HENMT1: variants seen among roughly 807,000 people sequenced by gnomAD.
HENMT1 encodes the protein HEN methyltransferase 1, also known as small RNA 2'-O-methyltransferase.
HENMT1 carries 27 observed loss-of-function variants against 31.1 expected under a neutral mutation model. That is an observed-to-expected ratio of 0.87 (90% CI 0.64 to 1.20). HENMT1 has a LOEUF of 1.20. HENMT1 is among the 50% of genes most tolerant of loss of function. The probability of loss-of-function intolerance (pLI) is 0.00; values close to 1 mark genes in which losing one functional copy is unlikely to be tolerated. For missense variants in HENMT1, 438 were observed against 469.6 expected (o/e 0.93, Z 0.62); for synonymous variants, 167 against 172.2 (o/e 0.97, Z 0.24).
intron 7 of HENMT1, chr1:108,649,402 A>C (rs1436432112): frequency 4.4e-6 from 2 of 457,626 alleles, no homozygotes; most frequent in Non-Finnish European, 8.8e-6. Context: ...GAAGTTCAAG[A>C]CCAGCCTGGG....
At position 108,654,846 on chromosome 1, in the gene HENMT1, A is replaced by C. The variant is rs1236773835; in HGVS notation, c.268T>G (p.Ser90Ala). Residue 90 changes from serine to alanine, a missense_variant, in exon 5 of 8, where the codon TCG becomes GCG. By Grantham distance (99) the Ser-to-Ala change is moderately conservative. Transcript: ENST00000651461. ...NEDKLRWRGDSLAPFLGDFLK... is the reference protein window; with the variant it reads ...NEDKLRWRGDALAPFLGDFLK... ...AAATCCCCCAGGAAAGGAGCTAACG[A>C]ATCCCTGCAAAATAATTATTGAAGA... 5.0e-6 allele frequency: 8 copies of C among 1,614,050 alleles called. No individual in the cohort carries two copies. Among genetic ancestry groups the C allele is most frequent in the Non-Finnish European group, 6.8e-6 (8 of 1,179,934 alleles).
At position 108,648,859 on chromosome 1, in the gene HENMT1, G is replaced by C; in HGVS notation, c.889C>G (p.Arg297Gly). The change falls in exon 8 of 8, where the codon CGG becomes GGG. Residue 297 changes from arginine (R) to glycine (G), a missense_variant. Physicochemically the swap from Arg to Gly is moderately radical, Grantham distance 125 (BLOSUM62 -2). Transcript: ENST00000651461. ...CCAATGTCTTTGGGCTTATCACCCC[G>C]TTCCCCAGCCTGTTCTTTCCGCCTT... is the stretch of plus-strand genomic sequence containing the variant. ...LPRRKEQAGERGDKPKDIGGS... is the reference protein window; with the variant it reads ...LPRRKEQAGEGGDKPKDIGGS... The C allele has an allele frequency of 6.2e-7, 1 of 1,614,144 alleles. No homozygotes were observed. The highest frequency in any genetic ancestry group is 2.2e-5 in the East Asian group (1 of 44,886).
chr1:108,653,469 T>C (rs1255257522), intron 5 of HENMT1, among the ~76,000 whole-genome samples: 1 of 152,244 alleles, frequency 6.6e-6, no homozygotes, highest in Non-Finnish European at 1.5e-5. Context: ...GTAGTGGGAT[T>C]GCTAGATCAC....
Position 108,648,367 on chromosome 1 carries a change from G to A in HENMT1, c.*199C>T, listed in dbSNP as rs182664104. On this transcript the variant is annotated 3_prime_UTR_variant, in exon 8 of 8. Transcript: ENST00000651461. ...AGTCCAAAATCAAAGGAAAGCACCC[G>A]TTTTAAACCCTCATATCTTTCTCAG... 1.3e-4 allele frequency: 73 copies of A among 558,166 alleles called. No individual in the cohort carries two copies. Among genetic ancestry groups the A allele is most frequent in the African/African-American group, 9.1e-4 (48 of 52,882 alleles). The allele number at this position is 558,166 out of a possible 1,614,324, so 34.6% of individuals were successfully genotyped here.
rs144902459 is a variant in HENMT1 at position 108,648,917 on chromosome 1, T to C, written c.831A>G (p.Gln277=). 20 of 1,614,146 alleles carry C rather than the reference T, an allele frequency of 1.2e-5. No individual in the cohort carries two copies. The African/African-American group carries it at 1.7e-4, about 14-fold the overall frequency. ...FKLVLVNEVS[Q]QVESLRVSHL... is the part of the protein sequence containing the mutation. ...GGCTCACTCTTAAGCTTTCCACTTG[T>C]TGGGACACCTCATTAACCAACACAA... is the stretch of plus-strand genomic sequence containing the variant. Residue 277 remains glutamine, a synonymous_variant, in exon 8 of 8, where the codon CAA becomes CAG. Coordinates refer to ENST00000651461, the MANE Select transcript of HENMT1 (RefSeq NM_001102592.2).
intron 1 of HENMT1, among the ~76,000 whole-genome samples, chr1:108,660,515 ATCTAT>A (rs1376964885): frequency 6.6e-6 from 1 of 152,218 alleles, no homozygotes; most frequent in Non-Finnish European, 1.5e-5. Flanking sequence ...ATGCTCCAAC[ATCTAT>A]TCAATTCACT....
intron 7 of HENMT1, 163 bp downstream of exon 7, chr1:108,650,048 C>T (rs554338609): frequency 1.2e-5 from 9 of 722,556 alleles, no homozygotes; most frequent in African/African-American, 8.7e-5. Context: ...ACACCGTAGG[C>T]TAACTCGGAC....
At chr1:108,651,001 C>T (rs753883979) in intron 6 of HENMT1, 29 bp downstream of exon 6, 52 of 1,537,772 alleles carry the variant, frequency 3.4e-5, no homozygotes, top group Non-Finnish European at 4.4e-5. Context: ...AACAGGATCC[C>T]AAATAAACAA....
intron 7 of HENMT1, 88 bp from the exon 8 acceptor site, chr1:108,649,079 T>A: frequency 9.6e-7 from 1 of 1,036,930 alleles, no homozygotes; most frequent in Non-Finnish European, 1.4e-6. Context: ...TTTTGCCATG[T>A]AAGAATAAAT....
At chr1:108,654,607 G>A (rs1658157158) in intron 5 of HENMT1, 109 bp downstream of exon 5, 6 of 1,080,684 alleles carry the variant, frequency 5.6e-6, no homozygotes, top group South Asian at 1.9e-5. Flanking sequence ...CCAATGAGCA[G>A]TTTTCCTTAC....
At chr1:108,655,892 C>CACA (rs1658225411) in intron 3 of HENMT1, among the ~76,000 whole-genome samples, 194 bp from the exon 4 acceptor site, 4 of 145,540 alleles carry the variant, frequency 2.7e-5, no homozygotes, top group African/African-American at 1.0e-4. Flanking sequence ...CACACACACA[C>CACA]TAACCTGAAA....
chr1:108,649,994 T>C (rs1658000585), intron 7 of HENMT1: 1 of 653,090 alleles, frequency 1.5e-6, no homozygotes, highest in Non-Finnish European at 2.8e-6. Context: ...GATCATTCCC[T>C]TTAACATGCC....
chr1:108,652,247 G>T (rs1025804110), intron 5 of HENMT1, among the ~76,000 whole-genome samples: 4 of 152,210 alleles, frequency 2.6e-5, no homozygotes, highest in Non-Finnish European at 5.9e-5. Flanking sequence ...TAATCGTACT[G>T]TATCAATGTT....
chr1:108,655,848 TACACACACACAC>T (rs61122468), intron 3 of HENMT1, 150 bp from the exon 4 acceptor site: 7,509 of 234,012 alleles, frequency 0.032, 524 homozygotes, highest in African/African-American at 0.17. Context: ...CAGAAGATGC[TACACACACACAC>T]ACACACACAC....
chr1:108,652,128 ATGCAT>A (rs1658076643), intron 5 of HENMT1, among the ~76,000 whole-genome samples: 1 of 152,240 alleles, frequency 6.6e-6, no homozygotes, highest in African/African-American at 2.4e-5. Context: ...AACGTGACAA[ATGCAT>A]TGTGTGATCT....
chr1:108,656,274 A>G (rs1172852259), intron 3 of HENMT1, among the ~76,000 whole-genome samples: 2 of 152,206 alleles, frequency 1.3e-5, no homozygotes, highest in African/African-American at 2.4e-5. Context: ...GTGTAGAAAC[A>G]GTAGTGGTGG....
chr1:108,648,632 C>G lies in HENMT1; in HGVS notation c.1116G>C (p.Leu372=). 3 of 1,614,232 alleles carry G rather than the reference C, an allele frequency of 1.9e-6. No homozygotes were observed. Among genetic ancestry groups the G allele is most frequent in the Non-Finnish European group, 2.5e-6 (3 of 1,180,034 alleles). Residue 372 remains leucine, a synonymous_variant, in exon 8 of 8, where the codon CTG becomes CTC. Transcript: ENST00000651461. Reference sequence around the variant, plus strand: ...CCACCACTGCAGAACCATCACTGCTCAGAGGAATTGAGTCAGCAATGACTG... The same window carrying G: ...CCACCACTGCAGAACCATCACTGCTGAGAGGAATTGAGTCAGCAATGACTG... ...MRSVIADSIP[L]SSDGSAVVAD...
rs781522326 is a variant in HENMT1, at chr1:108,655,595, C to T, written c.254G>A (p.Arg85Gln). Residue 85 changes from arginine to glutamine, a missense_variant, in exon 4 of 8, where the codon CGA (arginine) becomes CAA (glutamine). Arg to Gln is a conservative substitution (Grantham distance 43, BLOSUM62 1). Coordinates refer to ENST00000651461, the MANE Select transcript of HENMT1 (RefSeq NM_001102592.2). ...VGVDINEDKL[R>Q]WRGDSLAPFL... Reference sequence around the variant, plus strand: ...AGAAACTAAGTATTACCCTCTCCATCGTAATTTATCCTCATTAATATCTAC... The same window carrying T: ...AGAAACTAAGTATTACCCTCTCCATTGTAATTTATCCTCATTAATATCTAC... 1.8e-5 allele frequency: 28 copies of T among 1,576,482 alleles called. No individual in the cohort carries two copies. The highest frequency in any genetic ancestry group is 2.3e-5 in the Non-Finnish European group (26 of 1,149,606).
At chr1:108,654,366 T>A (rs556976022) in intron 5 of HENMT1, among the ~76,000 whole-genome samples, 1 of 152,134 alleles carries the variant, frequency 6.6e-6, no homozygotes, top group Non-Finnish European at 1.5e-5. Flanking sequence ...CAAAAGGCCA[T>A]GTGTATACCC....
Sources: gnomAD v4.1 joint callset for allele counts (sites outside exome capture counted in the v4.1 genomes callset) on GRCh38, gnomAD v4.1.1 for gene constraint, MANE v1.5 for transcripts, NCBI Gene and HGNC (gene_info 2026-07-23, HGNC 2026-07-21) for gene names.